Variants in TANGO2 observed in about 807,000 individuals in gnomAD.
TANGO2 encodes transport and Golgi organization protein 2 homolog.
TANGO2 carries 26 observed loss-of-function variants against 39.1 expected under a neutral mutation model. That is an observed-to-expected ratio of 0.67 (90% confidence interval 0.49 to 0.92). TANGO2 has a LOEUF of 0.92. Among genes scored for constraint, TANGO2 ranks in the 40% least tolerant of loss-of-function variants. TANGO2 has a pLI of 0.00. For missense variants in TANGO2, 326 were observed against 360.1 expected (o/e 0.91, Z 0.77); for synonymous variants, 131 against 144.5 (o/e 0.91, Z 0.67).
At chr22:20,061,205 G>T (rs368289739) in intron 6 of TANGO2, 6 of 215,412 alleles carry the variant, frequency 2.8e-5, no homozygotes, top group East Asian at 1.1e-4. Context: ...AGGTGAAGAG[G>T]TTCCCTCTTG....
intron 1 of TANGO2, among the ~76,000 whole-genome samples, chr22:20,036,119 A>C (rs982509148): frequency 6.6e-6 from 1 of 152,166 alleles, no homozygotes; most frequent in African/African-American, 2.4e-5. Flanking sequence ...GCTAACTAGG[A>C]CTGCAATGCA....
chr22:20,041,430 A>C (rs1051693627), intron 2 of TANGO2, among the ~76,000 whole-genome samples: 1 of 150,768 alleles, frequency 6.6e-6, no homozygotes, highest in South Asian at 2.1e-4. Flanking sequence ...GTCCTGCCTC[A>C]GCCTCCCGAG....
intron 3 of TANGO2, among the ~76,000 whole-genome samples, chr22:20,052,141 A>G (rs1297929354): frequency 6.6e-6 from 1 of 152,172 alleles, no homozygotes; most frequent in Non-Finnish European, 1.5e-5. Context: ...ATTGGAGCCT[A>G]GTGCTGCCCC....
chr22:20,035,567 G>A (rs2042687537), intron 1 of TANGO2, among the ~76,000 whole-genome samples: 1 of 152,218 alleles, frequency 6.6e-6, no homozygotes. Context: ...GAGGTCCCTG[G>A]GTGGGGACGA....
chr22:20,028,453 C>G (rs1010998263), intron 1 of TANGO2, among the ~76,000 whole-genome samples: 4 of 152,188 alleles, frequency 2.6e-5, no homozygotes, highest in Non-Finnish European at 4.4e-5. Context: ...TGTTTCCCTC[C>G]AGAATGTGCT....
chr22:20,054,091 C>T (rs2046915639), intron 5 of TANGO2: 1 of 279,748 alleles, frequency 3.6e-6, no homozygotes. Context: ...GTGGTCGGCA[C>T]ATTGTGGCGG....
At chr22:20,027,611 T>C (rs1218867743) in intron 1 of TANGO2, among the ~76,000 whole-genome samples, 6 of 150,874 alleles carry the variant, frequency 4.0e-5, no homozygotes, top group African/African-American at 1.2e-4. Flanking sequence ...AGGCTTTTTT[T>C]CCTTTTTTTT....
intron 1 of TANGO2, among the ~76,000 whole-genome samples, chr22:20,034,556 G>A (rs1367620316): frequency 6.6e-6 from 1 of 152,212 alleles, no homozygotes; most frequent in Non-Finnish European, 1.5e-5. Context: ...TGTACCCCCA[G>A]TGTGGACCTG....
intron 6 of TANGO2, 112 bp downstream of exon 6, chr22:20,056,125 G>T: frequency 1.1e-6 from 1 of 929,948 alleles, no homozygotes. Flanking sequence ...AGATGACTTT[G>T]TGGCCATTTA....
intron 3 of TANGO2, 88 bp from the exon 4 acceptor site, chr22:20,052,377 G>A: frequency 1.3e-6 from 2 of 1,526,664 alleles, no homozygotes; most frequent in South Asian, 2.5e-5. Context: ...GCAGGAGCTG[G>A]GCCGAGTATG....
In TANGO2 at chr22:20,055,943, C is replaced by T. The variant is rs1471455689; in HGVS notation, c.381C>T (p.Ser127=). The change falls in exon 6 of 9, where the codon AGC becomes AGT. Residue 127 remains serine (S), a splice_region_variant and synonymous_variant. Coordinates refer to ENST00000327374, the MANE Select transcript of TANGO2 (RefSeq NM_152906.7). ...GACATTCTCTCCCCTTGGCCTGCAG[C>T]ACAGCAAAGGGAGACGTCATTTGCT... is the stretch of plus-strand genomic sequence containing the variant. ...NGFNLIAADL[S]TAKGDVICYY... 5 of 1,613,528 alleles carry T rather than the reference C, an allele frequency of 3.1e-6. No individual in the cohort carries two copies. Among genetic ancestry groups the T allele is most frequent in the Admixed American group, 3.3e-5 (2 of 60,006 alleles).
chr22:20,055,005 G>A (rs917738427), intron 5 of TANGO2: 32 of 152,248 alleles, frequency 2.1e-4, no homozygotes, highest in African/African-American at 7.2e-4. Flanking sequence ...GAACATAGAC[G>A]GGGGGGCCCT....
chr22:20,035,496 G>A (rs753215273), intron 1 of TANGO2, among the ~76,000 whole-genome samples: 1 of 152,196 alleles, frequency 6.6e-6, no homozygotes, highest in Non-Finnish European at 1.5e-5. Flanking sequence ...GGGTGGCCTC[G>A]GAATCTAATC....
rs139511883 is a variant in TANGO2 at position 20,042,010 on chromosome 22, G to T, written c.57-1345G>T. Among the ~76,000 whole-genome samples the T allele has an allele frequency of 6.2e-3, 946 of 151,472 alleles. 7 individuals carry two copies. The highest frequency in any genetic ancestry group is 0.022 in the African/African-American group (902 of 41,246). On this transcript the variant is annotated intron_variant, in intron 2 of 8. Transcript: ENST00000327374. Reference sequence around the variant, plus strand: ...CTTTTTTTTTTTTTTTAGAGACAGGGCTTCTCTGTTCCCCAGGTTGGAGTG... The same window carrying T: ...CTTTTTTTTTTTTTTTAGAGACAGGTCTTCTCTGTTCCCCAGGTTGGAGTG...
At chr22:20,063,508 C>T (rs998821552) in intron 8 of TANGO2, 66 bp downstream of exon 8, 9 of 1,392,636 alleles carry the variant, frequency 6.5e-6, no homozygotes, top group Non-Finnish European at 8.9e-6. Context: ...AGAGGGCCGG[C>T]AAAGAAGCCA....
Position 20,065,054 on chromosome 22 carries a change from T to A in TANGO2, c.*392T>A. ...ACAGGCACATGTACGTGCACAGGTG[T>A]GCTACACATGTGCACACATGCACAG... On this transcript the variant is annotated 3_prime_UTR_variant, in exon 9 of 9. Coordinates refer to ENST00000327374, the MANE Select transcript of TANGO2 (RefSeq NM_152906.7). 4.4e-6 allele frequency: 1 copy of A among 228,022 alleles called. No homozygotes were observed. The highest frequency in any genetic ancestry group is 8.8e-6 in the Non-Finnish European group (1 of 113,896). 14.1% of individuals were successfully genotyped at this position (228,022 alleles called of 1,614,324 possible). A position where few individuals can be genotyped will look rare whatever the true frequency, so the allele number is the denominator to read the frequency against.
intron 3 of TANGO2, among the ~76,000 whole-genome samples, chr22:20,051,399 C>T (rs1602221130): frequency 6.6e-6 from 1 of 151,888 alleles, no homozygotes; most frequent in African/African-American, 2.4e-5. Flanking sequence ...GGTGTGATGG[C>T]ACATGCCTGT....
Position 20,061,679 on chromosome 22 carries a change from G to A in TANGO2, c.601G>A (p.Glu201Lys), listed in dbSNP as rs780495808. The A allele has an allele frequency of 2.6e-6, 4 of 1,549,652 alleles. No individual in the cohort carries two copies. Among genetic ancestry groups the A allele is most frequent in the African/African-American group, 2.7e-5 (2 of 73,228 alleles). Reference sequence around the variant, plus strand: ...CCTCCTGGATGTGCTCAACAATGAAGAGGCGTGAGTGGGCGGGTCCTGCTG... The same window carrying A: ...CCTCCTGGATGTGCTCAACAATGAAAAGGCGTGAGTGGGCGGGTCCTGCTG... The part of the protein sequence containing the change: ...ASLLDVLNNE[E>K]AQLPDPAIED... Residue 201 changes from glutamate (E) to lysine (K), a missense_variant, in exon 7 of 9, where the codon GAG becomes AAG. By Grantham distance (56) the Glu-to-Lys change is moderately conservative. Transcript: ENST00000327374.
intron 1 of TANGO2, among the ~76,000 whole-genome samples, chr22:20,030,944 A>G (rs2041733495): frequency 6.6e-6 from 1 of 152,110 alleles, no homozygotes; most frequent in Non-Finnish European, 1.5e-5. Context: ...TCATGTCTGT[A>G]ATACCAGCAC....
Sources: allele counts gnomAD v4.1 joint callset (sites outside exome capture counted in the v4.1 genomes callset), GRCh38; gene constraint gnomAD v4.1.1; transcripts MANE v1.5; gene names NCBI Gene and HGNC (gene_info 2026-07-23, HGNC 2026-07-21).